NRTN: variants seen among roughly 807,000 people sequenced by gnomAD.
The protein encoded by NRTN is prepro-neurturin.
Under a neutral mutation model 7.5 loss-of-function variants are expected in NRTN, and 3 were observed. The observed-to-expected ratio is 0.40, with a 90% CI of 0.18 to 1.03. NRTN has a LOEUF of 1.03. Ranked by LOEUF, NRTN falls within the 50% of genes least tolerant of loss-of-function variation. The pLI, the probability that NRTN is intolerant of heterozygous loss-of-function variation, is 0.34. For synonymous variants in NRTN, 157 were observed against 146.6 expected (o/e 1.07, Z -0.51); for missense variants, 310 against 307.0 (o/e 1.01, Z -0.07).
intron 2 of NRTN, among the ~76,000 whole-genome samples, chr19:5,825,924 G>T (rs961123738): frequency 6.6e-6 from 1 of 152,194 alleles, no homozygotes; most frequent in Non-Finnish European, 1.5e-5. Context: ...CACGAGGTCA[G>T]GAGATGGAGA....
At chr19:5,807,768 A>C (rs1424928168) in intron 1 of NRTN, among the ~76,000 whole-genome samples, 1 of 152,334 alleles carries the variant, frequency 6.6e-6, no homozygotes, top group East Asian at 1.9e-4. Context: ...GAACCAAGGT[A>C]CAATTTGAAT....
intron 1 of NRTN, among the ~76,000 whole-genome samples, chr19:5,808,607 G>A (rs1432126493): frequency 2.6e-5 from 4 of 152,116 alleles, no homozygotes; most frequent in Admixed American, 6.5e-5. Flanking sequence ...CAGGGCCCTC[G>A]TTACTTCCCG....
At chr19:5,818,348 AGTGT>A (rs564722168) in intron 1 of NRTN, among the ~76,000 whole-genome samples, 22 of 151,620 alleles carry the variant, frequency 1.5e-4, no homozygotes, top group Non-Finnish European at 2.7e-4. Context: ...GCAGTGTGTG[AGTGT>A]GTGAGTGTGT....
intron 1 of NRTN, among the ~76,000 whole-genome samples, chr19:5,810,933 A>T (rs1175393987): frequency 6.6e-6 from 1 of 151,760 alleles, no homozygotes; most frequent in East Asian, 1.9e-4. Flanking sequence ...ATCTCAAAAA[A>T]AAAAAAGAAT....
Position 5,824,171 on chromosome 19 carries a change from G to A in NRTN, c.6G>A (p.Gln2=). 6.2e-7 allele frequency: 1 copy of A among 1,608,112 alleles called. No homozygotes were observed. Among genetic ancestry groups the A allele is most frequent in the Middle Eastern group, 1.9e-4 (1 of 5,350 alleles). M[Q]RWKAAALASV... Reference sequence around the variant, plus strand: ...CCCGTGCCCGCAGGCTGAGGATGCAGCGCTGGAAGGCGGCGGCCTTGGCCT... The same window carrying A: ...CCCGTGCCCGCAGGCTGAGGATGCAACGCTGGAAGGCGGCGGCCTTGGCCT... Residue 2 remains glutamine, a synonymous_variant, in exon 2 of 3, where the codon CAG becomes CAA. Coordinates refer to ENST00000303212, the MANE Select transcript of NRTN (RefSeq NM_004558.5).
rs1033065687 is a variant in NRTN at position 5,805,485 on chromosome 19, C to A, written c.-399+34C>A. ...GGGGCAGGCGGGGCAGGTGGGGGGG[C>A]AGCAGGGTACGACGGGGACGACCTG... On this transcript the variant is annotated intron_variant, in intron 1 of 2. Transcript: ENST00000303212. 1.6e-3 allele frequency among the ~76,000 whole-genome samples: 240 copies of A among 151,670 alleles called. 1 individual carries two copies. The highest frequency in any genetic ancestry group is 5.6e-3 in the African/African-American group (232 of 41,484).
chr19:5,821,249 A>G (rs114119619), intron 1 of NRTN, among the ~76,000 whole-genome samples: 1,799 of 150,798 alleles, frequency 0.012, 29 homozygotes, highest in African/African-American at 0.04. Flanking sequence ...TCAGACATGA[A>G]ATTCTGGACC....
Position 5,827,922 on chromosome 19 carries a change from C to T in NRTN, c.343C>T (p.Leu115=), listed in dbSNP as rs1170593116. The T allele has an allele frequency of 2.0e-6, 3 of 1,468,134 alleles. No homozygotes were observed. The highest frequency in any genetic ancestry group is 2.7e-6 in the Non-Finnish European group (3 of 1,112,250). The allele number at this position is 1,468,134 out of a possible 1,614,324, so 90.9% of individuals were successfully genotyped here. A position where few individuals can be genotyped will look rare whatever the true frequency, so the allele number is the denominator to read the frequency against. The part of the protein sequence containing the change: ...LRELEVRVSE[L]GLGYASDETV... ...CGAGCTGGAGGTGCGCGTGAGCGAG[C>T]TGGGCCTGGGCTACGCGTCCGACGA... Residue 115 remains leucine (L), a synonymous_variant, in exon 3 of 3, where the codon CTG becomes TTG. Transcript: ENST00000303212.
chr19:5,815,244 G>A (rs906821544), intron 1 of NRTN, among the ~76,000 whole-genome samples: 3 of 152,128 alleles, frequency 2.0e-5, no homozygotes, highest in South Asian at 2.1e-4. Context: ...CTGTGAGACC[G>A]GATTACCACG....
chr19:5,808,685 G>A (rs367936246), intron 1 of NRTN, among the ~76,000 whole-genome samples: 2 of 151,750 alleles, frequency 1.3e-5, no homozygotes, highest in African/African-American at 2.4e-5. Flanking sequence ...GAACAGGCAC[G>A]GTCCTGCCTC....
intron 1 of NRTN, among the ~76,000 whole-genome samples, chr19:5,810,627 A>G (rs1435295305): frequency 6.6e-6 from 1 of 151,996 alleles, no homozygotes; most frequent in Non-Finnish European, 1.5e-5. Context: ...GCCAGAAAGC[A>G]CGTGGTTAAG....
chr19:5,819,663 CAAAAATAAATAAAAATTTTA>C (rs149536835), intron 1 of NRTN, among the ~76,000 whole-genome samples: 22,751 of 151,234 alleles, frequency 0.15, 2,610 homozygotes, highest in East Asian at 0.44. Context: ...AATTCCATCT[CAAAAATAAATAAAAATTTTA>C]AAAAATAAAT....
chr19:5,828,169 T>A lies in NRTN; in HGVS notation c.590T>A (p.Val197Glu). The change falls in exon 3 of 3, where the codon GTG becomes GAG. Residue 197 changes from valine (V) to glutamate (E), a missense_variant. Val to Glu is a moderately radical substitution (Grantham distance 121). Transcript: ENST00000303212. ...CTGTCGGCGCGCGAGTGCGCCTGCG[T>A]GTGACCCTACCTCACTCGGCCGGCG... ...HELSARECAC[V>E] is the part of the protein sequence containing the mutation. 1 of 1,530,528 alleles carries A rather than the reference T, an allele frequency of 6.5e-7. No individual in the cohort carries two copies. Among genetic ancestry groups the A allele is most frequent in the Non-Finnish European group, 8.7e-7 (1 of 1,144,320 alleles). 94.8% of individuals were successfully genotyped at this position (1,530,528 alleles called of 1,614,324 possible). A position where few individuals can be genotyped will look rare whatever the true frequency, so the allele number is the denominator to read the frequency against.
chr19:5,822,016 A>G (rs2057026574), intron 1 of NRTN, among the ~76,000 whole-genome samples: 2 of 152,168 alleles, frequency 1.3e-5, no homozygotes. Context: ...AAATGGAGAT[A>G]GTAGTGCCTC....
At chr19:5,805,729 A>G (rs923008255) in intron 1 of NRTN, among the ~76,000 whole-genome samples, 5 of 151,988 alleles carry the variant, frequency 3.3e-5, no homozygotes, top group African/African-American at 1.2e-4. Flanking sequence ...CCTGTCTCCT[A>G]AAACCTCCAA....
chr19:5,806,822 G>A lies in NRTN; in HGVS notation c.-399+1371G>A, dbSNP rs1036455945. Among the ~76,000 whole-genome samples, 2 of 152,184 alleles carry A rather than the reference G, an allele frequency of 1.3e-5. No homozygotes were observed. The highest frequency in any genetic ancestry group is 4.8e-5 in the African/African-American group (2 of 41,438). On this transcript the variant is annotated intron_variant, in intron 1 of 2. Transcript: ENST00000303212. This position sits in a 1 kb window ranked among gnomAD's most constrained non-coding sequence, Gnocchi z 5.4. ...TTTCAGGTCCCAGTTTTCAGGGAGC[G>A]AACAGAGGAGACAGCTTTCAAGAGC... is the stretch of plus-strand genomic sequence containing the variant.
rs1040640748 is a variant in NRTN at position 5,806,442 on chromosome 19, C to T, written c.-399+991C>T. On this transcript the variant is annotated intron_variant, in intron 1 of 2. Transcript: ENST00000303212. This position sits in a 1 kb window ranked among gnomAD's most constrained non-coding sequence, Gnocchi z 5.4. ...TCTTGCCTGTCTCCCCTGCCCTTTCCCTGTTCTCTACATCCTTGTCCCTGT... is the reference window on the plus strand; with the variant it reads ...TCTTGCCTGTCTCCCCTGCCCTTTCTCTGTTCTCTACATCCTTGTCCCTGT... Among the ~76,000 whole-genome samples, 1 of 152,142 alleles carries T rather than the reference C, an allele frequency of 6.6e-6. No homozygotes were observed. The highest frequency in any genetic ancestry group is 1.5e-5 in the Non-Finnish European group (1 of 68,018).
chr19:5,808,830 A>C, intron 1 of NRTN, among the ~76,000 whole-genome samples: 1 of 143,876 alleles, frequency 7.0e-6, no homozygotes, highest in Non-Finnish European at 1.5e-5. Flanking sequence ...ATCTCGGCTC[A>C]CTGCAAGCTC....
intron 1 of NRTN, among the ~76,000 whole-genome samples, chr19:5,823,261 A>T (rs2057032544): frequency 1.3e-5 from 2 of 151,996 alleles, no homozygotes; most frequent in South Asian, 4.2e-4. Context: ...TATTAAAAAT[A>T]CAAAAATTAG....
Sources: gnomAD v4.1 joint callset for allele counts (sites outside exome capture counted in the v4.1 genomes callset) on GRCh38, gnomAD v4.1.1 for gene constraint, Gnocchi (gnomAD v3.1) non-coding constraint, MANE v1.5 for transcripts, NCBI Gene and HGNC (gene_info 2026-07-23, HGNC 2026-07-21) for gene names.